AKAP13: variants seen among roughly 807,000 people sequenced by gnomAD.
The protein encoded by AKAP13 is A-kinase anchor protein 13.
In AKAP13, 80 loss-of-function variants were observed where a neutral mutation model predicts 264.5. That is an observed-to-expected ratio of 0.30 (90% CI 0.25 to 0.36). The LOEUF (loss-of-function observed/expected upper bound fraction) is 0.36. Ranked by LOEUF, AKAP13 falls within the 10% of genes least tolerant of loss-of-function variation. The pLI is 1.00. For missense variants in AKAP13, 3,712 were observed against 3,435.2 expected (o/e 1.08, Z -2.01); for synonymous variants, 1,380 against 1,250.2 (o/e 1.10, Z -2.19).
At chr15:85,725,657 C>A (rs1229444128) in intron 26 of AKAP13, among the ~76,000 whole-genome samples, 2 of 152,118 alleles carry the variant, frequency 1.3e-5, no homozygotes, top group Admixed American at 6.6e-5. Flanking sequence ...TTGTGGACTT[C>A]ACTTTCCACA....
chr15:85,430,564 T>C (rs1385905309), intron 1 of AKAP13, among the ~76,000 whole-genome samples: 5 of 152,234 alleles, frequency 3.3e-5, no homozygotes, highest in Admixed American at 3.3e-4. Flanking sequence ...CTGAACCACC[T>C]GTACAGCTAA....
In AKAP13 at chr15:85,621,769, G is replaced by T. The variant is rs114716392; in HGVS notation, c.4162-17605G>T. On this transcript the variant is annotated intron_variant, in intron 8 of 36. Coordinates refer to ENST00000394518, the MANE Select transcript of AKAP13 (RefSeq NM_007200.5). ...TTTTTACCCCATATTCATATGAAGA[G>T]CCCGAGGGTTTTCTCGAGCATGGTA... 9.6e-3 allele frequency among the ~76,000 whole-genome samples: 1,467 copies of T among 152,194 alleles called. 32 individuals are homozygous for T. The highest frequency in any genetic ancestry group is 0.034 in the African/African-American group (1,411 of 41,504).
Position 85,715,845 on chromosome 15 carries a change from C to A in AKAP13, c.5657C>A (p.Thr1886Asn). The change falls in exon 20 of 37, where the codon ACC (threonine) becomes AAC (asparagine). Residue 1886 changes from threonine to asparagine, a missense_variant. Physicochemically the swap from Thr to Asn is moderately conservative, Grantham distance 65. Around this residue, in one of 3 missense-constraint regions of AKAP13, gnomAD observed 2,759 missense variants for 2,411.7 expected, o/e 1.14. Transcript: ENST00000394518. ...SAVLLVDETA[T>N]TPIFANRRSQ... is the part of the protein sequence containing the mutation. ...GTCCTCCTGGTGGATGAAACCGCTA[C>A]CACCCCAATATTTGCCAATAGACGA... is the stretch of plus-strand genomic sequence containing the variant. 6.2e-7 allele frequency: 1 copy of A among 1,613,542 alleles called. No individual in the cohort carries two copies. Among genetic ancestry groups the A allele is most frequent in the Non-Finnish European group, 8.5e-7 (1 of 1,179,930 alleles).
chr15:85,521,418 C>G lies in AKAP13; in HGVS notation c.34-10C>G. 1 of 1,613,064 alleles carries G rather than the reference C, an allele frequency of 6.2e-7. No homozygotes were observed. ...CTAATGTAAACTTGCTATATTGTTT[C>G]CTTTCCTAGGGTGATTGTGTTGTTA... On this transcript the variant is annotated splice_polypyrimidine_tract_variant and intron_variant, in intron 2 of 36. Transcript: ENST00000394518.
intron 17 of AKAP13, among the ~76,000 whole-genome samples, chr15:85,707,275 C>T (rs992575949): frequency 1.1e-4 from 16 of 152,160 alleles, no homozygotes; most frequent in African/African-American, 3.4e-4. Context: ...TGGGTTTTTA[C>T]GTCAGTGGCC....
chr15:85,581,548 GA>G lies in AKAP13; in HGVS notation c.3482del (p.Lys1161SerfsTer19). ...EMIPLDWEKG[K>X]LEGADHSCTM... ...TGATACCTCTTGATTGGGAGAAAGGGAAGCTGGAGGGAGCAGACCACAGCTG... is the reference window on the plus strand; with the variant it reads ...TGATACCTCTTGATTGGGAGAAAGGGAGCTGGAGGGAGCAGACCACAGCTG... On this transcript the variant is annotated frameshift_variant, in exon 7 of 37. Coordinates refer to ENST00000394518, the MANE Select transcript of AKAP13 (RefSeq NM_007200.5). LOFTEE classifies it high-confidence loss of function. The G allele has an allele frequency of 6.2e-7, 1 of 1,614,196 alleles. No individual in the cohort carries two copies. The highest frequency in any genetic ancestry group is 8.5e-7 in the Non-Finnish European group (1 of 1,180,026).
intron 1 of AKAP13, among the ~76,000 whole-genome samples, chr15:85,484,288 A>G (rs2075455841): frequency 1.1e-5 from 1 of 93,514 alleles, no homozygotes; most frequent in African/African-American, 4.7e-5. Context: ...TGTTCTTCTA[A>G]AAATGTTGGT....
chr15:85,707,912 A>G (rs1477265294), intron 17 of AKAP13, 107 bp from the exon 18 acceptor site: 15 of 1,041,088 alleles, frequency 1.4e-5, no homozygotes, highest in Non-Finnish European at 1.9e-5. Flanking sequence ...CTCACATGTG[A>G]GTGACTTCAC....
At chr15:85,538,470 G>A (rs1261293274) in intron 4 of AKAP13, among the ~76,000 whole-genome samples, 2 of 151,500 alleles carry the variant, frequency 1.3e-5, no homozygotes, top group Non-Finnish European at 2.9e-5. Flanking sequence ...TCCTTTCAGA[G>A]TGTTTGATAG....
rs188888387 is a variant in AKAP13 at position 85,727,884 on chromosome 15, G to A, written c.7087+421G>A. On this transcript the variant is annotated intron_variant, in intron 29 of 36. Transcript: ENST00000394518. This position sits in a 1 kb window ranked among gnomAD's most constrained non-coding sequence, Gnocchi z 5.3. Reference sequence around the variant, plus strand: ...CAGTCCCTAGCGTTATCACTTATCCGCATGTTTACAAATGAGTTGTGAGGT... The same window carrying A: ...CAGTCCCTAGCGTTATCACTTATCCACATGTTTACAAATGAGTTGTGAGGT... 2.6e-5 allele frequency among the ~76,000 whole-genome samples: 4 copies of A among 152,286 alleles called. No individual in the cohort carries two copies. The highest frequency in any genetic ancestry group is 2.1e-4 in the South Asian group (1 of 4,830).
chr15:85,707,344 A>C (rs958521959), intron 17 of AKAP13, among the ~76,000 whole-genome samples: 1 of 152,138 alleles, frequency 6.6e-6, no homozygotes, highest in African/African-American at 2.4e-5. Context: ...TCCTTGCCAA[A>C]TTGTGGTTTC....
chr15:85,578,519 G>A (rs1348848886), intron 6 of AKAP13, among the ~76,000 whole-genome samples: 1 of 151,774 alleles, frequency 6.6e-6, no homozygotes, highest in Non-Finnish European at 1.5e-5. Context: ...AGCTAATTTT[G>A]TATTTTTAGT....
Position 85,721,960 on chromosome 15 carries a change from T to G in AKAP13, c.6253-31T>G, listed in dbSNP as rs140533180. On this transcript the variant is annotated intron_variant, in intron 23 of 36. Coordinates refer to ENST00000394518, the MANE Select transcript of AKAP13 (RefSeq NM_007200.5). Reference sequence around the variant, plus strand: ...ATGGTATTATGAGTTTGGCGCCCCATGGCATAACTTCTGTTCTCTTTTCTC... The same window carrying G: ...ATGGTATTATGAGTTTGGCGCCCCAGGGCATAACTTCTGTTCTCTTTTCTC... 1.2e-4 allele frequency: 190 copies of G among 1,612,044 alleles called. No homozygotes were observed. The African/African-American group carries it at 1.5e-3, about 12-fold the overall frequency.
intron 1 of AKAP13, among the ~76,000 whole-genome samples, chr15:85,446,444 A>G (rs377617954): frequency 6.6e-6 from 1 of 152,222 alleles, no homozygotes; most frequent in East Asian, 1.9e-4. Flanking sequence ...ACGAATGAGC[A>G]TGTAGAAGAT....
intron 8 of AKAP13, 147 bp downstream of exon 8, chr15:85,585,970 T>A (rs931082): frequency 0.62 from 668,853 of 1,070,170 alleles, 211,812 homozygotes; most frequent in Middle Eastern, 0.69. Context: ...ATAAATGTGT[T>A]TATGTTGCTG....
intron 1 of AKAP13, among the ~76,000 whole-genome samples, chr15:85,484,463 G>A (rs1485471596): frequency 1.3e-5 from 2 of 152,226 alleles, no homozygotes; most frequent in African/African-American, 2.4e-5. Flanking sequence ...GAATGAATGG[G>A]CATGGGCATG....
chr15:85,467,483 A>G (rs1474338914), intron 1 of AKAP13, among the ~76,000 whole-genome samples: 1 of 151,542 alleles, frequency 6.6e-6, no homozygotes, highest in Non-Finnish European at 1.5e-5. Context: ...AGTTTTATCC[A>G]TCTAGAATGA....
At chr15:85,464,765 C>G (rs2074659396) in intron 1 of AKAP13, among the ~76,000 whole-genome samples, 1 of 152,164 alleles carries the variant, frequency 6.6e-6, no homozygotes, top group Non-Finnish European at 1.5e-5. Flanking sequence ...GTATCAACAT[C>G]TCTCTAACAA....
intron 8 of AKAP13, chr15:85,620,307 T>C (rs1168859499): frequency 2.5e-6 from 2 of 786,724 alleles, no homozygotes; most frequent in Non-Finnish European, 4.1e-6. Flanking sequence ...GGATGAGGGG[T>C]GAATGTAAGC....
Sources: allele counts gnomAD v4.1 joint callset (sites outside exome capture counted in the v4.1 genomes callset), GRCh38; gene constraint gnomAD v4.1.1; regional missense constraint gnomAD v4.1.1; non-coding constraint Gnocchi (gnomAD v3.1); transcripts MANE v1.5; gene names NCBI Gene and HGNC (gene_info 2026-07-23, HGNC 2026-07-21).